The following MORC1 variants were observed in gnomAD, a reference collection of about 807,000 sequenced individuals.
MORC1 encodes the protein MORC family CW-type zinc finger 1.
Under a neutral mutation model 134.9 loss-of-function variants are expected in MORC1, and 59 were observed. The ratio of observed to expected loss-of-function variants is 0.44; its 90% CI spans 0.35 to 0.54. MORC1 has a LOEUF of 0.54. Ranked by LOEUF, MORC1 falls within the 20% of genes least tolerant of loss-of-function variation. The pLI, the probability that MORC1 is intolerant of heterozygous loss-of-function variation, is 0.00. For synonymous variants in MORC1, 395 were observed against 391.7 expected, an observed-to-expected ratio of 1.01 and a Z score of -0.10; for missense variants, 947 against 1,134.5, an observed-to-expected ratio of 0.83 and a Z score of 2.37.
chr3:109,015,121 T>G (rs906521213), intron 17 of MORC1, among the ~76,000 whole-genome samples: 5 of 152,104 alleles, frequency 3.3e-5, no homozygotes, highest in Admixed American at 3.3e-4. Flanking sequence ...TGACCTCAAG[T>G]GATCCGCCCT....
At position 109,098,419 on chromosome 3, in the gene MORC1, C is replaced by T. The variant is rs189361489; in HGVS notation, c.423+939G>A. Among the ~76,000 whole-genome samples the T allele has an allele frequency of 5.7e-4, 87 of 152,314 alleles. 2 individuals are homozygous for T. The East Asian group carries it at 0.013, about 23-fold the overall frequency. ...CTTTTCCTCAGGTCAGGCTCCCACA[C>T]GGCTTACTCCTTTTTACCTGCAGAC... On this transcript the variant is annotated intron_variant, in intron 6 of 27. Transcript: ENST00000232603.
intron 24 of MORC1, among the ~76,000 whole-genome samples, chr3:108,971,839 G>A (rs1370386191): frequency 6.8e-6 from 1 of 148,124 alleles, no homozygotes; most frequent in Non-Finnish European, 1.5e-5. Context: ...GGGAGGGAGG[G>A]AGGGAGGCAG....
At chr3:108,983,888 A>T (rs1304942888) in intron 23 of MORC1, among the ~76,000 whole-genome samples, 1 of 152,158 alleles carries the variant, frequency 6.6e-6, no homozygotes, top group East Asian at 1.9e-4. Flanking sequence ...ATAAAAGAGA[A>T]CTACTAGTAA....
At chr3:109,039,612 C>T (rs1949463016) in intron 14 of MORC1, among the ~76,000 whole-genome samples, 1 of 152,120 alleles carries the variant, frequency 6.6e-6, no homozygotes, top group African/African-American at 2.4e-5. Flanking sequence ...AGTTAATTTC[C>T]GTCATTTCAG....
intron 7 of MORC1, 121 bp downstream of exon 7, chr3:109,094,788 C>G: frequency 1.1e-6 from 1 of 909,186 alleles, no homozygotes; most frequent in Non-Finnish European, 1.6e-6. Context: ...AATGACTGTC[C>G]CCAGTGTGAA....
intron 22 of MORC1, among the ~76,000 whole-genome samples, chr3:108,985,455 T>C (rs905107314): frequency 1.3e-5 from 2 of 152,146 alleles, no homozygotes; most frequent in South Asian, 4.1e-4. Flanking sequence ...AAGTAAACCT[T>C]TACCAAGAAG....
At chr3:109,078,922 A>G (rs1165608458) in intron 8 of MORC1, among the ~76,000 whole-genome samples, 1 of 151,998 alleles carries the variant, frequency 6.6e-6, no homozygotes, top group Non-Finnish European at 1.5e-5. Flanking sequence ...TATAAATGAC[A>G]AATTTAAGCC....
chr3:109,070,296 A>T (rs1950289063), intron 8 of MORC1, among the ~76,000 whole-genome samples: 2 of 152,182 alleles, frequency 1.3e-5, no homozygotes, highest in South Asian at 4.1e-4. Flanking sequence ...GCTGAGGGGA[A>T]GCATCTGACC....
At chr3:109,102,184 A>G (rs552083777) in intron 4 of MORC1, among the ~76,000 whole-genome samples, 7 of 152,286 alleles carry the variant, frequency 4.6e-5, no homozygotes, top group African/African-American at 1.7e-4. Flanking sequence ...CCACTGGCAG[A>G]TGGTTAACAT....
At chr3:109,007,259 T>A (rs143250777) in intron 17 of MORC1, among the ~76,000 whole-genome samples, 168 bp from the exon 18 acceptor site, 2 of 152,342 alleles carry the variant, frequency 1.3e-5, no homozygotes, top group Non-Finnish European at 2.9e-5. Flanking sequence ...TGTAGTAATG[T>A]TCTGATTAGT....
At chr3:108,986,368 C>T (rs998813170) in intron 22 of MORC1, among the ~76,000 whole-genome samples, 7 of 152,112 alleles carry the variant, frequency 4.6e-5, no homozygotes, top group African/African-American at 1.2e-4. Context: ...ATGGAAACTT[C>T]ATGCCTTAAA....
chr3:109,110,566 A>C (rs893042422), intron 3 of MORC1, among the ~76,000 whole-genome samples, 183 bp downstream of exon 3: 1 of 152,156 alleles, frequency 6.6e-6, no homozygotes, highest in Non-Finnish European at 1.5e-5. Context: ...TTTAGCACAC[A>C]ATTTGACTCT....
At position 108,958,368 on chromosome 3, in the gene MORC1, C is replaced by T. The variant is rs1946990636; in HGVS notation, c.*597G>A. The T allele has an allele frequency of 6.6e-6, 1 of 150,684 alleles. No homozygotes were observed. Among genetic ancestry groups the T allele is most frequent in the Non-Finnish European group, 1.5e-5 (1 of 67,710 alleles). The allele number at this position is 150,684 out of a possible 1,614,324, so 9.3% of individuals were successfully genotyped here. ...TTACGTATATGTAAATGTAAAACAA[C>T]AATTTTTACATATGTGTAATATGTA... On this transcript the variant is annotated 3_prime_UTR_variant, in exon 28 of 28. Transcript: ENST00000232603.
At chr3:109,040,961 A>G (rs1949530552) in intron 14 of MORC1, among the ~76,000 whole-genome samples, 1 of 152,110 alleles carries the variant, frequency 6.6e-6, no homozygotes, top group South Asian at 2.1e-4. Context: ...CTGAAAAAAT[A>G]CTGTAACTGA....
intron 15 of MORC1, among the ~76,000 whole-genome samples, 195 bp from the exon 16 acceptor site, chr3:109,033,020 GTTATTA>G (rs34222099): frequency 4.0e-5 from 6 of 151,328 alleles, no homozygotes; most frequent in South Asian, 4.2e-4. Context: ...CCACCAACAA[GTTATTA>G]TTATTATTAT....
chr3:109,019,473 A>G (rs1410486361), intron 17 of MORC1, among the ~76,000 whole-genome samples: 1 of 152,234 alleles, frequency 6.6e-6, no homozygotes, highest in East Asian at 1.9e-4. Flanking sequence ...AGTCGTTTGA[A>G]CAGCTTTGAA....
intron 14 of MORC1, among the ~76,000 whole-genome samples, chr3:109,041,603 C>G (rs1949552665): frequency 6.6e-6 from 1 of 152,084 alleles, no homozygotes; most frequent in Non-Finnish European, 1.5e-5. Flanking sequence ...AATCCCAGCA[C>G]TTTCAGAGGC....
intron 15 of MORC1, among the ~76,000 whole-genome samples, chr3:109,033,229 A>G (rs890731046): frequency 1.3e-5 from 2 of 152,020 alleles, no homozygotes; most frequent in Non-Finnish European, 2.9e-5. Flanking sequence ...AAGGAAAACC[A>G]TGATCTCAAC....
intron 26 of MORC1, among the ~76,000 whole-genome samples, chr3:108,966,018 G>A (rs1045656474): frequency 6.6e-6 from 1 of 152,072 alleles, no homozygotes; most frequent in African/African-American, 2.4e-5. Flanking sequence ...ACCTCTCCAG[G>A]AAGTTTCTAT....
Sources: allele counts gnomAD v4.1 joint callset (sites outside exome capture counted in the v4.1 genomes callset), GRCh38; gene constraint gnomAD v4.1.1; transcripts MANE v1.5; gene names NCBI Gene and HGNC (gene_info 2026-07-23, HGNC 2026-07-21).